NCALD: variants seen among roughly 807,000 people sequenced by gnomAD.
NCALD encodes the protein neurocalcin delta, also known as neurocalcin-delta.
NCALD carries 10 observed loss-of-function variants against 18.6 expected under a neutral mutation model. The observed-to-expected ratio is 0.54, with a 90% CI of 0.33 to 0.91. The LOEUF (loss-of-function observed/expected upper bound fraction) is 0.91, where lower values mean the gene tolerates loss of function less well. Ranked by LOEUF, NCALD falls within the 40% of genes least tolerant of loss-of-function variation. The probability of loss-of-function intolerance (pLI) is 0.03; values close to 1 mark genes in which losing one functional copy is unlikely to be tolerated. For synonymous variants in NCALD, 88 were observed against 87.4 expected, an observed-to-expected ratio of 1.01 and a Z score of -0.04; for missense variants, 184 against 247.6, an observed-to-expected ratio of 0.74 and a Z score of 1.72.
intron 4 of NCALD, among the ~76,000 whole-genome samples, chr8:101,876,564 G>C (rs754277950): frequency 1.3e-5 from 2 of 152,032 alleles, no homozygotes; most frequent in Non-Finnish European, 2.9e-5. Flanking sequence ...GTTCTATATT[G>C]AGCCAATGCC....
At chr8:101,912,939 C>T (rs1263216171) in intron 3 of NCALD, among the ~76,000 whole-genome samples, 1 of 152,212 alleles carries the variant, frequency 6.6e-6, no homozygotes, top group Non-Finnish European at 1.5e-5. Context: ...CTGTGAGATG[C>T]CACATGGGAA....
intron 2 of NCALD, among the ~76,000 whole-genome samples, chr8:102,013,577 C>T (rs562770893): frequency 1.3e-5 from 2 of 152,292 alleles, no homozygotes; most frequent in African/African-American, 4.8e-5. Context: ...CCTGGGCTGA[C>T]TCCACTGGGA....
At chr8:101,816,448 A>G (rs1813499681) in intron 4 of NCALD, among the ~76,000 whole-genome samples, 1 of 152,136 alleles carries the variant, frequency 6.6e-6, no homozygotes, top group African/African-American at 2.4e-5. Context: ...AAAATAATTC[A>G]CATCTTACTT....
intron 2 of NCALD, among the ~76,000 whole-genome samples, chr8:101,701,957 AGTAC>A (rs1372832342): frequency 1.3e-5 from 2 of 152,210 alleles, no homozygotes; most frequent in Non-Finnish European, 2.9e-5. Context: ...GAATAGCATA[AGTAC>A]TTTCTCATTT....
chr8:101,772,755 C>A (rs1811637174), intron 1 of NCALD, among the ~76,000 whole-genome samples: 1 of 152,178 alleles, frequency 6.6e-6, no homozygotes, highest in Admixed American at 6.5e-5. Context: ...AAGCCAAGGG[C>A]CTCCCTTCTA....
intron 2 of NCALD, among the ~76,000 whole-genome samples, chr8:101,713,444 G>C (rs772749136): frequency 2.0e-5 from 3 of 146,784 alleles, no homozygotes; most frequent in Non-Finnish European, 3.0e-5. Flanking sequence ...AACTGAAGGA[G>C]ATAGAGACAC....
intron 1 of NCALD, among the ~76,000 whole-genome samples, chr8:101,754,687 G>A (rs749277693): frequency 3.9e-5 from 6 of 152,138 alleles, no homozygotes; most frequent in Non-Finnish European, 7.4e-5. Context: ...CATAGCAGGT[G>A]TTATCACCAT....
chr8:101,946,809 C>CAAAAAA (rs71268537), intron 2 of NCALD, among the ~76,000 whole-genome samples: 3 of 65,668 alleles, frequency 4.6e-5, no homozygotes, highest in African/African-American at 1.2e-4. Context: ...CATCAATTAG[C>CAAAAAA]AAAAAAAAAA....
chr8:102,095,369 C>T (rs1189550238), intron 1 of NCALD, among the ~76,000 whole-genome samples: 1 of 152,094 alleles, frequency 6.6e-6, no homozygotes, highest in Non-Finnish European at 1.5e-5. Flanking sequence ...AGGCAGGAGC[C>T]CTCATTACTT....
At chr8:101,938,275 T>C (rs890441432) in intron 2 of NCALD, among the ~76,000 whole-genome samples, 1 of 152,228 alleles carries the variant, frequency 6.6e-6, no homozygotes, top group Non-Finnish European at 1.5e-5. Flanking sequence ...ATATACATAT[T>C]TAAAAACTCA....
chr8:101,754,550 G>A (rs1360308848), intron 1 of NCALD, among the ~76,000 whole-genome samples: 3 of 152,056 alleles, frequency 2.0e-5, no homozygotes, highest in Non-Finnish European at 2.9e-5. Flanking sequence ...TCTCTCTGGG[G>A]CCTCTTTTAT....
At chr8:101,718,031 A>C (rs1489589701) in intron 2 of NCALD, among the ~76,000 whole-genome samples, 1 of 152,208 alleles carries the variant, frequency 6.6e-6, no homozygotes, top group Non-Finnish European at 1.5e-5. Flanking sequence ...CATGAATATT[A>C]ATCATCAGGA....
chr8:101,836,714 A>T (rs1398664389), intron 4 of NCALD, among the ~76,000 whole-genome samples: 2 of 152,254 alleles, frequency 1.3e-5, no homozygotes, highest in Admixed American at 6.5e-5. Flanking sequence ...GAACGATCTT[A>T]GTAAGAAGTC....
chr8:101,920,057 G>A (rs555443976), intron 2 of NCALD, among the ~76,000 whole-genome samples: 1 of 152,256 alleles, frequency 6.6e-6, no homozygotes, highest in South Asian at 2.1e-4. Context: ...AGGAATTCAA[G>A]ACCAGCCTGA....
intron 3 of NCALD, among the ~76,000 whole-genome samples, chr8:101,915,119 G>A (rs1467358390): frequency 1.3e-5 from 2 of 152,050 alleles, no homozygotes; most frequent in African/African-American, 2.4e-5. Context: ...TATGGTATTA[G>A]TCCCATTTTA....
chr8:101,924,108 T>C (rs1812998899), intron 2 of NCALD, among the ~76,000 whole-genome samples: 2 of 152,304 alleles, frequency 1.3e-5, no homozygotes, highest in South Asian at 4.2e-4. Flanking sequence ...CAGGGTCTAT[T>C]GTTCCCATCT....
chr8:102,056,265 T>G (rs150986903), intron 1 of NCALD, among the ~76,000 whole-genome samples: 161 of 152,336 alleles, frequency 1.1e-3, no homozygotes, highest in African/African-American at 3.8e-3. Context: ...CTTGTTTATG[T>G]GTGTGTTTTA....
chr8:101,826,992 T>A (rs1191034388), intron 4 of NCALD, among the ~76,000 whole-genome samples: 1 of 152,218 alleles, frequency 6.6e-6, no homozygotes, highest in East Asian at 1.9e-4. Flanking sequence ...GTAACAATAT[T>A]ACCATAAACT....
chr8:102,108,119 G>A (rs1374421875), intron 1 of NCALD, among the ~76,000 whole-genome samples: 1 of 152,184 alleles, frequency 6.6e-6, no homozygotes, highest in East Asian at 1.9e-4. Flanking sequence ...GACTTGGGCA[G>A]GCCAGCTCCC....
Sources: allele counts gnomAD v4.1 joint callset (sites outside exome capture counted in the v4.1 genomes callset), GRCh38; gene constraint gnomAD v4.1.1; transcripts MANE v1.5; gene names NCBI Gene and HGNC (gene_info 2026-07-23, HGNC 2026-07-21).